The following SPATA13 variants were observed in gnomAD, a reference collection of about 807,000 sequenced individuals.
SPATA13 encodes spermatogenesis-associated protein 13.
SPATA13 carries 50 observed loss-of-function variants against 104.0 expected under a neutral mutation model. The observed-to-expected ratio is 0.48, with a 90% CI of 0.38 to 0.61. The LOEUF (loss-of-function observed/expected upper bound fraction) is 0.61, where lower values mean the gene tolerates loss of function less well. Among genes scored for constraint, SPATA13 ranks in the 20% least tolerant of loss-of-function variants. The pLI is 0.00. For synonymous variants in SPATA13, 606 were observed against 667.5 expected (o/e 0.91, Z 1.42); for missense variants, 1,524 against 1,690.6 (o/e 0.90, Z 1.73).
chr13:24,059,623 T>A (rs1395562443), intron 3 of SPATA13, among the ~76,000 whole-genome samples: 3 of 152,242 alleles, frequency 2.0e-5, no homozygotes, highest in Non-Finnish European at 4.4e-5. Flanking sequence ...TTTAATCCTG[T>A]CATTAGTGCT....
At chr13:24,175,082 C>G (rs1883160009) in intron 1 of SPATA13, among the ~76,000 whole-genome samples, 1 of 152,056 alleles carries the variant, frequency 6.6e-6, no homozygotes, top group South Asian at 2.1e-4. Flanking sequence ...ATTGGTCCAT[C>G]TTGATATATG....
intron 3 of SPATA13, among the ~76,000 whole-genome samples, chr13:24,124,569 A>G (rs1436959154): frequency 6.6e-6 from 1 of 152,176 alleles, no homozygotes; most frequent in Non-Finnish European, 1.5e-5. Context: ...CCTGGAGGTG[A>G]ATTTAGTCAT....
chr13:24,237,973 C>A (rs7324255), intron 2 of SPATA13, among the ~76,000 whole-genome samples: 1 of 139,982 alleles, frequency 7.1e-6, no homozygotes, highest in East Asian at 2.0e-4. Flanking sequence ...TTTAAATATG[C>A]AATATATAAA....
chr13:24,064,710 T>C (rs1277702258), intron 3 of SPATA13, among the ~76,000 whole-genome samples: 3 of 152,160 alleles, frequency 2.0e-5, no homozygotes, highest in Non-Finnish European at 4.4e-5. Context: ...CAGTCTATGG[T>C]ACTTTGTTAC....
In SPATA13 at chr13:24,011,067, C is replaced by T. The variant is rs7325299; in HGVS notation, c.-146-6600C>T. ...GGATATGCCTGCACTCTGCAGTTTG[C>T]TGACTCCTCTGCAACCTTGGCTTTG... On this transcript the variant is annotated intron_variant, in intron 2 of 14. Transcript: ENST00000424834. The surrounding 1 kb of genome is among the most constrained non-coding windows in gnomAD (Gnocchi z 4.3). Among the ~76,000 whole-genome samples, 39,355 of 152,006 alleles carry T rather than the reference C, an allele frequency of 0.26. 5,221 individuals carry two copies. The highest frequency in any genetic ancestry group is 0.28 in the Admixed American group (4,292 of 15,288).
chr13:24,267,788 C>A, intron 4 of SPATA13, among the ~76,000 whole-genome samples: 1 of 152,246 alleles, frequency 6.6e-6, no homozygotes, highest in Non-Finnish European at 1.5e-5. Flanking sequence ...CCCACCCATT[C>A]ATTCCATGGT....
At position 24,206,166 on chromosome 13, in the gene SPATA13, A is replaced by G. The variant is rs182420626; in HGVS notation, c.-111-16653A>G. Among the ~76,000 whole-genome samples the G allele has an allele frequency of 5.6e-4, 85 of 152,322 alleles. 1 individual carries two copies. Among genetic ancestry groups the G allele is most frequent in the African/African-American group, 1.7e-3 (72 of 41,566 alleles). Reference sequence around the variant, plus strand: ...TACAGAGTGAGAGAAAATTTTTCCAATCTATCCATCTGACAAAGGTCTAAC... The same window carrying G: ...TACAGAGTGAGAGAAAATTTTTCCAGTCTATCCATCTGACAAAGGTCTAAC... On this transcript the variant is annotated intron_variant, in intron 1 of 12. Transcript: ENST00000382108.
chr13:24,152,645 A>G (rs1164503029), intron 3 of SPATA13, among the ~76,000 whole-genome samples: 2 of 152,208 alleles, frequency 1.3e-5, no homozygotes, highest in Non-Finnish European at 2.9e-5. Context: ...AATGATGCCC[A>G]TGGCCTTTTC....
chr13:24,037,531 C>T (rs1877741327), intron 3 of SPATA13, among the ~76,000 whole-genome samples: 1 of 128,974 alleles, frequency 7.8e-6, no homozygotes, highest in Admixed American at 8.7e-5. Flanking sequence ...CCTCAGCCTC[C>T]TGAGTAGCTG....
intron 2 of SPATA13, among the ~76,000 whole-genome samples, chr13:24,009,569 G>T (rs182076783): frequency 7.9e-5 from 12 of 152,312 alleles, no homozygotes; most frequent in Admixed American, 3.9e-4. Context: ...GTGTGGGATT[G>T]TTCCAGGTCA....
intron 3 of SPATA13, among the ~76,000 whole-genome samples, chr13:24,056,331 G>C (rs1320502179): frequency 6.6e-6 from 1 of 152,204 alleles, no homozygotes; most frequent in Non-Finnish European, 1.5e-5. Context: ...TTTGGAAAGG[G>C]GTGGACAGGC....
intron 3 of SPATA13, among the ~76,000 whole-genome samples, chr13:24,111,173 G>A (rs2137812914): frequency 6.6e-6 from 1 of 151,788 alleles, no homozygotes; most frequent in South Asian, 2.1e-4. Flanking sequence ...ACCTCCCAAA[G>A]AGGCCAGATA....
intron 2 of SPATA13, among the ~76,000 whole-genome samples, chr13:24,013,060 C>T (rs903635994): frequency 7.2e-5 from 11 of 152,186 alleles, no homozygotes; most frequent in African/African-American, 2.7e-4. Context: ...TTTGCTAATA[C>T]CCCACTGGCT....
In SPATA13 at chr13:24,290,637, A is replaced by T; in HGVS notation, c.2848-15A>T. 1 of 1,610,336 alleles carries T rather than the reference A, an allele frequency of 6.2e-7. No individual in the cohort carries two copies. Among genetic ancestry groups the T allele is most frequent in the Non-Finnish European group, 8.5e-7 (1 of 1,176,638 alleles). ...GCACCCCAGAAGCTGACGAAGCTGT[A>T]CTTTTCCTTCCCAGCAAGAGGGCTT... On this transcript the variant is annotated splice_polypyrimidine_tract_variant and intron_variant, in intron 8 of 12. Transcript: ENST00000382108.
chr13:24,035,636 G>T (rs1014047793), intron 3 of SPATA13, among the ~76,000 whole-genome samples: 4 of 152,294 alleles, frequency 2.6e-5, no homozygotes, highest in Non-Finnish European at 4.4e-5. Context: ...TTCACAGGAG[G>T]CGTGTCACTG....
intron 1 of SPATA13, among the ~76,000 whole-genome samples, chr13:23,980,160 C>T (rs1874810127): frequency 2.0e-5 from 3 of 152,104 alleles, no homozygotes; most frequent in East Asian, 3.9e-4. Flanking sequence ...ACTCCATCCT[C>T]GGCGACAGAG....
rs1242877288 is a variant in SPATA13 at position 24,305,911 on chromosome 13, C to G, written c.*3138C>G. On this transcript the variant is annotated 3_prime_UTR_variant, in exon 13 of 13. Transcript: ENST00000382108. ...CATAAAATTGAATGTTTGCAGAATCCTGGAGCAGTAGATTTCTTTGTCTTT... is the reference window on the plus strand; with the variant it reads ...CATAAAATTGAATGTTTGCAGAATCGTGGAGCAGTAGATTTCTTTGTCTTT... 6.6e-6 allele frequency: 1 copy of G among 152,136 alleles called. No homozygotes were observed. The highest frequency in any genetic ancestry group is 1.5e-5 in the Non-Finnish European group (1 of 68,030). The allele number at this position is 152,136 out of a possible 1,614,324, so 9.4% of individuals were successfully genotyped here.
chr13:24,207,556 G>A (rs948695314), intron 1 of SPATA13, among the ~76,000 whole-genome samples: 3 of 81,150 alleles, frequency 3.7e-5, no homozygotes, highest in South Asian at 6.9e-4. Flanking sequence ...CAGTACACCC[G>A]GGTTCGTTTC....
chr13:24,138,314 A>AC (rs1286387954), intron 3 of SPATA13, among the ~76,000 whole-genome samples: 8 of 74,280 alleles, frequency 1.1e-4, no homozygotes, highest in African/African-American at 3.7e-4. Context: ...TGAAAAAAAA[A>AC]AAAAAAACAG....
Sources: gnomAD v4.1 joint callset for allele counts (sites outside exome capture counted in the v4.1 genomes callset) on GRCh38, gnomAD v4.1.1 for gene constraint, Gnocchi (gnomAD v3.1) non-coding constraint, MANE v1.5 for transcripts, NCBI Gene and HGNC (gene_info 2026-07-23, HGNC 2026-07-21) for gene names.